Variants in GREB1L observed in about 807,000 individuals in gnomAD.
The protein encoded by GREB1L is GREB1 like retinoic acid receptor coactivator.
Under a neutral mutation model 200.8 loss-of-function variants are expected in GREB1L, and 17 were observed. That is an observed-to-expected ratio of 0.08 (90% confidence interval 0.06 to 0.13). The LOEUF (loss-of-function observed/expected upper bound fraction) is 0.13. Ranked by LOEUF, GREB1L falls within the 10% of genes least tolerant of loss-of-function variation. GREB1L has a pLI of 1.00. For missense variants in GREB1L, 1,657 were observed against 2,367.7 expected, an observed-to-expected ratio of 0.70 and a Z score of 6.23; for synonymous variants, 789 against 893.0, an observed-to-expected ratio of 0.88 and a Z score of 2.08.
At chr18:21,373,941 C>G (rs145813435) in intron 2 of GREB1L, among the ~76,000 whole-genome samples, 64 of 151,664 alleles carry the variant, frequency 4.2e-4, no homozygotes, top group African/African-American at 1.4e-3. Flanking sequence ...TTTGGTTTCT[C>G]TAATCTTTAG....
rs201504449 is a variant in GREB1L at position 21,339,201 on chromosome 18, A to AT, written c.-119-26824dup. ...GACTCCATCTCAAAAAAAAAAAAAA[A>AT]TTATCTTATTAGAAAAGTTGAAATT... On this transcript the variant is annotated intron_variant, in intron 1 of 32. Coordinates refer to ENST00000424526, the MANE Select transcript of GREB1L (RefSeq NM_001142966.3). 3.1e-3 allele frequency among the ~76,000 whole-genome samples: 475 copies of AT among 152,104 alleles called. 3 individuals are homozygous for AT. The highest frequency in any genetic ancestry group is 2.3e-3 in the Non-Finnish European group (156 of 67,992).
intron 4 of GREB1L, among the ~76,000 whole-genome samples, chr18:21,387,023 C>A (rs1253530363): frequency 6.6e-6 from 1 of 152,136 alleles, no homozygotes. Flanking sequence ...TTTAGATAAG[C>A]AAATACTTAA....
At chr18:21,484,957 AG>A (rs2036072505) in intron 17 of GREB1L, among the ~76,000 whole-genome samples, 1 of 152,224 alleles carries the variant, frequency 6.6e-6, no homozygotes, top group African/African-American at 2.4e-5. Context: ...GAACTCAAAA[AG>A]CTTATTTAAT....
chr18:21,378,684 A>G (rs1164476193), intron 2 of GREB1L, among the ~76,000 whole-genome samples: 1 of 152,084 alleles, frequency 6.6e-6, no homozygotes, highest in East Asian at 1.9e-4. Flanking sequence ...CACCATTATC[A>G]TTTTTTAAAT....
intron 18 of GREB1L, among the ~76,000 whole-genome samples, chr18:21,488,998 A>T (rs1357094867): frequency 1.6e-4 from 25 of 152,130 alleles, no homozygotes; most frequent in Non-Finnish European, 1.5e-5. Context: ...TCAGCAGCAG[A>T]AGTACTGCTG....
At chr18:21,499,418 A>G (rs1173254495) in intron 21 of GREB1L, among the ~76,000 whole-genome samples, 1 of 151,954 alleles carries the variant, frequency 6.6e-6, no homozygotes, top group Non-Finnish European at 1.5e-5. Flanking sequence ...GGGTGGGAGC[A>G]CCTCTCCAGA....
At chr18:21,360,151 A>G (rs1598693199) in intron 1 of GREB1L, among the ~76,000 whole-genome samples, 1 of 152,220 alleles carries the variant, frequency 6.6e-6, no homozygotes, top group East Asian at 1.9e-4. Context: ...TTAAACTATC[A>G]GTCATATATT....
rs1319791047 is a variant in GREB1L, at chr18:21,496,512, T to A, written c.3205T>A (p.Leu1069Met). ...CTCAAGCTATTTAACTCGCACGGCC[T>A]TGGAGCAGGAGGTGGGTCTGGCATG... is the stretch of plus-strand genomic sequence containing the variant. ...IDSSYLTRTA[L>M]EQEVGLACCY... Residue 1069 changes from leucine (L) to methionine (M), a missense_variant, in exon 21 of 33, where the codon TTG (leucine) becomes ATG (methionine). Coordinates refer to ENST00000424526, the MANE Select transcript of GREB1L (RefSeq NM_001142966.3). 6.4e-6 allele frequency: 10 copies of A among 1,551,722 alleles called. No individual in the cohort carries two copies. Among genetic ancestry groups the A allele is most frequent in the South Asian group, 1.2e-5 (1 of 84,066 alleles).
At chr18:21,348,000 A>G (rs1204369694) in intron 1 of GREB1L, among the ~76,000 whole-genome samples, 3 of 126,144 alleles carry the variant, frequency 2.4e-5, no homozygotes, top group African/African-American at 9.4e-5. Context: ...CCTGGAATGC[A>G]GTGGCACGAT....
At chr18:21,346,248 T>C (rs979199701) in intron 1 of GREB1L, among the ~76,000 whole-genome samples, 2 of 152,066 alleles carry the variant, frequency 1.3e-5, no homozygotes, top group African/African-American at 4.8e-5. Flanking sequence ...CTCCCATAAC[T>C]GCACCCACAC....
intron 1 of GREB1L, among the ~76,000 whole-genome samples, chr18:21,276,239 T>C (rs1179332722): frequency 6.6e-6 from 1 of 152,250 alleles, no homozygotes; most frequent in East Asian, 1.9e-4. Context: ...TCTTCCGTGG[T>C]AAACCAGTCC....
chr18:21,269,628 A>G (rs1332163593), intron 1 of GREB1L, among the ~76,000 whole-genome samples: 1 of 152,242 alleles, frequency 6.6e-6, no homozygotes, highest in Non-Finnish European at 1.5e-5. Flanking sequence ...GAGGAAATAA[A>G]CTAATGAAGA....
intron 2 of GREB1L, among the ~76,000 whole-genome samples, chr18:21,372,793 C>T (rs1450093804): frequency 1.8e-4 from 28 of 151,966 alleles, no homozygotes; most frequent in Admixed American, 3.3e-4. Context: ...TGATGGCGGG[C>T]GCCTGTAATC....
chr18:21,265,621 G>C (rs868431789), intron 1 of GREB1L, among the ~76,000 whole-genome samples: 2 of 152,168 alleles, frequency 1.3e-5, no homozygotes, highest in Non-Finnish European at 1.5e-5. Context: ...ATAAGCAAAA[G>C]ATTATTTTGT....
intron 1 of GREB1L, among the ~76,000 whole-genome samples, chr18:21,321,891 T>G (rs2038957532): frequency 6.6e-6 from 1 of 152,220 alleles, no homozygotes; most frequent in South Asian, 2.1e-4. Flanking sequence ...ATGTTTCTTT[T>G]GCATGATACA....
intron 27 of GREB1L, among the ~76,000 whole-genome samples, chr18:21,512,029 G>C (rs769542121): frequency 6.6e-5 from 10 of 152,150 alleles, no homozygotes; most frequent in Non-Finnish European, 8.8e-5. Context: ...CCATATATGA[G>C]AGGGTTTATT....
At chr18:21,509,354 C>T (rs916796958) in intron 27 of GREB1L, among the ~76,000 whole-genome samples, 1 of 152,196 alleles carries the variant, frequency 6.6e-6, no homozygotes, top group African/African-American at 2.4e-5. Context: ...CTGCTTGTTC[C>T]CATTTTAAAG....
chr18:21,339,673 C>G (rs546222239), intron 1 of GREB1L, among the ~76,000 whole-genome samples: 1 of 152,258 alleles, frequency 6.6e-6, no homozygotes, highest in African/African-American at 2.4e-5. Flanking sequence ...GCAAAGTGTT[C>G]AAAGCTTTCA....
At chr18:21,390,288 A>G (rs1300941747) in intron 4 of GREB1L, among the ~76,000 whole-genome samples, 1 of 128,714 alleles carries the variant, frequency 7.8e-6, no homozygotes, top group African/African-American at 3.9e-5. Context: ...CACTCCTTCT[A>G]CTTATTAAAA....
Sources: gnomAD v4.1 joint callset for allele counts (sites outside exome capture counted in the v4.1 genomes callset) on GRCh38, gnomAD v4.1.1 for gene constraint, MANE v1.5 for transcripts, NCBI Gene and HGNC (gene_info 2026-07-23, HGNC 2026-07-21) for gene names.